The following ENPP2 variants were observed in gnomAD, a reference collection of about 807,000 sequenced individuals.
ENPP2 encodes the protein ectonucleotide pyrophosphatase/phosphodiesterase 2, also known as autotaxin.
In ENPP2, 51 loss-of-function variants were observed where a neutral mutation model predicts 120.2. The ratio of observed to expected loss-of-function variants is 0.42; its 90% CI spans 0.34 to 0.54. ENPP2 has a LOEUF of 0.54. Among genes scored for constraint, ENPP2 ranks in the 20% least tolerant of loss-of-function variants. The pLI is 0.04. For missense variants in ENPP2, 920 were observed against 1,066.5 expected (o/e 0.86, Z 1.91); for synonymous variants, 365 against 366.4 (o/e 1.00, Z 0.04).
intron 11 of ENPP2, among the ~76,000 whole-genome samples, chr8:119,597,344 A>G (rs1010585369): frequency 6.6e-6 from 1 of 152,228 alleles, no homozygotes; most frequent in African/African-American, 2.4e-5. Context: ...GCCATTTGCA[A>G]GAGACCTCAA....
chr8:119,589,514 T>C (rs1479170270), intron 13 of ENPP2, among the ~76,000 whole-genome samples: 1 of 152,062 alleles, frequency 6.6e-6, no homozygotes, highest in Admixed American at 6.5e-5. Context: ...AGCCCTGAAG[T>C]GCAAATACTA....
intron 22 of ENPP2, among the ~76,000 whole-genome samples, chr8:119,565,252 T>C (rs1587327647): frequency 6.6e-6 from 1 of 151,996 alleles, no homozygotes; most frequent in South Asian, 2.1e-4. Context: ...GTAGGTGGTG[T>C]TTCCCAGGCA....
In ENPP2 at chr8:119,595,831, C is replaced by A. The variant is rs2130498981; in HGVS notation, c.973-1971G>T. 3.7e-6 allele frequency: 6 copies of A among 1,613,378 alleles called. 1 individual carries two copies. The South Asian group carries it at 5.5e-5, about 15-fold the overall frequency. On this transcript the variant is annotated intron_variant, in intron 11 of 24. Coordinates refer to ENST00000075322, the MANE Select transcript of ENPP2 (RefSeq NM_001040092.3). ...ACCTGCCCGCCACAAAGCTTTGGAA[C>A]AATAGATAAACTTACTTTGTCCTGA...
intron 9 of ENPP2, among the ~76,000 whole-genome samples, chr8:119,603,376 C>A (rs1264768053): frequency 6.6e-6 from 1 of 152,148 alleles, no homozygotes; most frequent in Non-Finnish European, 1.5e-5. Context: ...TACAAACTAA[C>A]AGAATCTGTG....
chr8:119,599,952 A>C (rs1814171118), intron 11 of ENPP2, among the ~76,000 whole-genome samples: 3 of 150,548 alleles, frequency 2.0e-5, no homozygotes, highest in African/African-American at 7.4e-5. Context: ...GGTTGCAGTG[A>C]GCCAAGATCA....
chr8:119,616,490 A>G (rs1815469313), intron 7 of ENPP2, 106 bp from the exon 8 acceptor site: 1 of 685,678 alleles, frequency 1.5e-6, no homozygotes, highest in South Asian at 2.6e-5. Flanking sequence ...GCAATACTTA[A>G]TTTCCAAAAT....
chr8:119,671,854 C>T (rs115542298), intron 1 of ENPP2, among the ~76,000 whole-genome samples: 1,665 of 152,222 alleles, frequency 0.011, 23 homozygotes, highest in African/African-American at 0.038. Flanking sequence ...CACACAAACA[C>T]TTATGAAGTG....
chr8:119,615,794 G>T (rs531189661), intron 8 of ENPP2, among the ~76,000 whole-genome samples: 1 of 151,628 alleles, frequency 6.6e-6, no homozygotes, highest in Non-Finnish European at 1.5e-5. Context: ...TTTATTATAC[G>T]CCTAAATCTG....
intron 7 of ENPP2, 37 bp from the exon 8 acceptor site, chr8:119,616,421 T>C (rs1464984169): frequency 6.7e-7 from 1 of 1,499,952 alleles, no homozygotes; most frequent in African/African-American, 1.4e-5. Context: ...AAAATAACAA[T>C]ACAATAATCC....
At chr8:119,609,237 C>T (rs537870041) in intron 8 of ENPP2, among the ~76,000 whole-genome samples, 3 of 152,272 alleles carry the variant, frequency 2.0e-5, no homozygotes, top group African/African-American at 4.8e-5. Flanking sequence ...GTTCCAGCCC[C>T]CTTGGAGCCT....
chr8:119,562,860 G>A lies in ENPP2; in HGVS notation c.2418C>T (p.Cys806=). 1 of 1,613,902 alleles carries A rather than the reference G, an allele frequency of 6.2e-7. No individual in the cohort carries two copies. The highest frequency in any genetic ancestry group is 8.5e-7 in the Non-Finnish European group (1 of 1,179,876). Reference sequence around the variant, plus strand: ...AGGACTCTCTCTGTAAACTCACATTGCAGCTCTCCTCGTTGTCAGGCCGGT... The same window carrying A: ...AGGACTCTCTCTGTAAACTCACATTACAGCTCTCCTCGTTGTCAGGCCGGT... ...LPHRPDNEES[C]NSSEDESKWV... is the part of the protein sequence containing the mutation. Residue 806 remains cysteine, a synonymous_variant, in exon 24 of 25, where the codon TGC becomes TGT. Transcript: ENST00000075322.
chr8:119,619,729 T>C (rs1484471813), intron 4 of ENPP2, among the ~76,000 whole-genome samples: 1 of 145,742 alleles, frequency 6.9e-6, no homozygotes, highest in Non-Finnish European at 1.5e-5. Context: ...AAAAAAAAAG[T>C]CTTAGAATCT....
chr8:119,628,929 C>T (rs1236939017), intron 2 of ENPP2, among the ~76,000 whole-genome samples: 1 of 152,140 alleles, frequency 6.6e-6, no homozygotes, highest in Non-Finnish European at 1.5e-5. Flanking sequence ...AAGATTTTTA[C>T]CTTCCTGATG....
At chr8:119,569,473 T>A in intron 20 of ENPP2, 103 bp from the exon 21 acceptor site, 1 of 1,041,534 alleles carries the variant, frequency 9.6e-7, no homozygotes, top group Non-Finnish European at 1.3e-6. Flanking sequence ...TGATTGATAG[T>A]CTGACTCCTT....
At chr8:119,626,903 A>G (rs1359828528) in intron 2 of ENPP2, among the ~76,000 whole-genome samples, 183 bp from the exon 3 acceptor site, 1 of 152,180 alleles carries the variant, frequency 6.6e-6, no homozygotes, top group East Asian at 1.9e-4. Context: ...CGATTTCCTC[A>G]TCTGTAAAGT....
chr8:119,598,312 A>G (rs1488236887), intron 11 of ENPP2, among the ~76,000 whole-genome samples: 1 of 152,224 alleles, frequency 6.6e-6, no homozygotes, highest in African/African-American at 2.4e-5. Context: ...AAGATACCCA[A>G]TTAAGAGTTT....
At chr8:119,565,763 T>C (rs1213561137) in intron 22 of ENPP2, among the ~76,000 whole-genome samples, 2 of 152,214 alleles carry the variant, frequency 1.3e-5, no homozygotes, top group Non-Finnish European at 2.9e-5. Flanking sequence ...GACTATTCCC[T>C]GGGTTCCCTG....
intron 8 of ENPP2, among the ~76,000 whole-genome samples, chr8:119,615,998 G>A (rs1038700084): frequency 4.6e-5 from 7 of 151,228 alleles, no homozygotes; most frequent in Non-Finnish European, 8.8e-5. Flanking sequence ...TATTCTATGT[G>A]CACATATGTA....
chr8:119,667,657 C>T (rs945054319), intron 1 of ENPP2, among the ~76,000 whole-genome samples: 6 of 152,186 alleles, frequency 3.9e-5, no homozygotes, highest in South Asian at 2.1e-4. Flanking sequence ...TGGTTTAGGG[C>T]CACCATCTTT....
Sources: gnomAD v4.1 joint callset for allele counts (sites outside exome capture counted in the v4.1 genomes callset) on GRCh38, gnomAD v4.1.1 for gene constraint, MANE v1.5 for transcripts, NCBI Gene and HGNC (gene_info 2026-07-23, HGNC 2026-07-21) for gene names.